Variants in ZNF536 observed in about 807,000 individuals in gnomAD.
ZNF536 encodes the protein zinc finger protein 536.
A neutral mutation model predicts 84.5 loss-of-function variants in ZNF536; 13 were observed. The observed-to-expected ratio is 0.15, with a 90% confidence interval of 0.10 to 0.24. ZNF536 has a LOEUF of 0.24. Ranked by LOEUF, ZNF536 falls within the 10% of genes least tolerant of loss-of-function variation. The probability of loss-of-function intolerance (pLI) is 1.00; values close to 1 mark genes in which losing one functional copy is unlikely to be tolerated. For synonymous variants in ZNF536, 811 were observed against 742.5 expected, an observed-to-expected ratio of 1.09 and a Z score of -1.50; for missense variants, 1,536 against 1,747.5, an observed-to-expected ratio of 0.88 and a Z score of 2.16.
At chr19:30,691,318 C>A (rs1288855893) in intron 1 of ZNF536, among the ~76,000 whole-genome samples, 1 of 152,080 alleles carries the variant, frequency 6.6e-6, no homozygotes, top group Non-Finnish European at 1.5e-5. Flanking sequence ...CAGAGATCTG[C>A]GGCCAGGGGA....
chr19:30,423,337 A>T (rs1266320117), intron 1 of ZNF536, among the ~76,000 whole-genome samples: 1 of 152,124 alleles, frequency 6.6e-6, no homozygotes, highest in Non-Finnish European at 1.5e-5. Context: ...TATTAAGAAT[A>T]TTCAGTATTA....
chr19:30,609,895 T>TATCC (rs202076068), intron 1 of ZNF536, among the ~76,000 whole-genome samples: 5,596 of 140,886 alleles, frequency 0.04, 110 homozygotes, highest in Middle Eastern at 0.069. Flanking sequence ...TCCACCCATT[T>TATCC]ATCCATCCAT....
chr19:30,445,639 A>G lies in ZNF536; in HGVS notation c.2077A>G (p.Asn693Asp), dbSNP rs369794213. 6.2e-7 allele frequency: 1 copy of G among 1,612,800 alleles called. No individual in the cohort carries two copies. Among genetic ancestry groups the G allele is most frequent in the Non-Finnish European group, 8.5e-7 (1 of 1,179,632 alleles). ...VSRSTTPGSS[N>D]VTEESGVGGG... ...CCGCTCCACCACGCCGGGCTCCTCTAACGTCACCGAGGAGAGCGGGGTCGG... is the reference window on the plus strand; with the variant it reads ...CCGCTCCACCACGCCGGGCTCCTCTGACGTCACCGAGGAGAGCGGGGTCGG... Residue 693 changes from asparagine to aspartate, a missense_variant, in exon 2 of 5, where the codon AAC (asparagine) becomes GAC (aspartate). Transcript: ENST00000355537. The surrounding 1 kb of genome is among the most constrained non-coding windows in gnomAD (Gnocchi z 4.5).
At chr19:30,305,836 C>T (rs373314005) in intron 2 of ZNF536, among the ~76,000 whole-genome samples, 29 of 152,316 alleles carry the variant, frequency 1.9e-4, no homozygotes, top group East Asian at 1.5e-3. Context: ...GAGGGGCCAG[C>T]GTGGGTGAGG....
Position 30,230,946 on chromosome 19 carries a change from T to C in ZNF536, c.-190+2273T>C, listed in dbSNP as rs1599811968. 2.0e-5 allele frequency among the ~76,000 whole-genome samples: 3 copies of C among 151,470 alleles called. No individual in the cohort carries two copies. In the South Asian group the frequency reaches 6.2e-4, roughly 32 times the overall value. On this transcript the variant is annotated intron_variant, in intron 1 of 5. Transcript: ENST00000585628. The stretch of plus-strand genomic sequence containing the variant: ...AATGGAGGGGGAAGAAAGACAGCAA[T>C]GATACTCATGAGAATATAGATGAAC...
At chr19:30,574,021 A>G (rs1020974846) in intron 1 of ZNF536, among the ~76,000 whole-genome samples, 2 of 152,126 alleles carry the variant, frequency 1.3e-5, no homozygotes, top group South Asian at 2.1e-4. Flanking sequence ...TTTCTGGATG[A>G]TTCTTTTTAG....
intron 2 of ZNF536, among the ~76,000 whole-genome samples, chr19:30,518,147 G>A (rs1474798833): frequency 6.6e-6 from 1 of 152,130 alleles, no homozygotes; most frequent in African/African-American, 2.4e-5. Context: ...TCCAGTCAAT[G>A]CTCCAAGCAC....
intron 1 of ZNF536, among the ~76,000 whole-genome samples, chr19:30,249,404 C>T (rs1459763649): frequency 2.0e-5 from 3 of 151,972 alleles, no homozygotes; most frequent in African/African-American, 4.8e-5. Context: ...GATATTTTAA[C>T]ACGCCCTTGT....
intron 2 of ZNF536, among the ~76,000 whole-genome samples, chr19:30,334,062 A>G (rs891501213): frequency 2.6e-5 from 4 of 152,178 alleles, no homozygotes; most frequent in Non-Finnish European, 5.9e-5. Flanking sequence ...CTGATTATTG[A>G]TTGACATGAT....
chr19:30,262,628 G>T (rs1837000602), intron 1 of ZNF536, among the ~76,000 whole-genome samples: 1 of 152,192 alleles, frequency 6.6e-6, no homozygotes, highest in Non-Finnish European at 1.5e-5. Context: ...TCTTGCTGGT[G>T]TTCGTGGAAT....
chr19:30,596,358 T>C (rs2047463113), intron 1 of ZNF536, among the ~76,000 whole-genome samples: 1 of 152,218 alleles, frequency 6.6e-6, no homozygotes, highest in East Asian at 1.9e-4. Context: ...CATTAAAAGA[T>C]GTATGTATCG....
chr19:30,693,047 A>AGT lies in ZNF536; in HGVS notation c.170-17709_170-17708insTG, dbSNP rs1457449470. Among the ~76,000 whole-genome samples, 334 of 151,190 alleles carry AGT rather than the reference A, an allele frequency of 2.2e-3. 1 individual carries two copies. The highest frequency in any genetic ancestry group is 7.6e-3 in the African/African-American group (313 of 40,956). ...GGGAGAGAGAGAGAGAGAGAGAGAG[A>AGT]GAGTGTGTGTATACGTGTGCAGCGT... On this transcript the variant is annotated intron_variant, in intron 1 of 1. Transcript: ENST00000592773.
At chr19:30,268,600 C>G (rs1030042386) in intron 1 of ZNF536, among the ~76,000 whole-genome samples, 10 of 152,160 alleles carry the variant, frequency 6.6e-5, no homozygotes. Context: ...ATAACGACTT[C>G]CTTCTCCTAC....
rs578112587 is a variant in ZNF536, at chr19:30,292,437, C to G, written c.-120+8296C>G. ...TTGACTTGACTTCCTGGGCCCAAGC[C>G]ATCCTCTTGTCTCAGCCTCCCAAGT... On this transcript the variant is annotated intron_variant, in intron 2 of 5. Transcript: ENST00000585628. 2.6e-5 allele frequency among the ~76,000 whole-genome samples: 4 copies of G among 152,050 alleles called. No homozygotes were observed. In the South Asian group the frequency reaches 8.3e-4, roughly 32 times the overall value.
In ZNF536 at chr19:30,674,912, G is replaced by A. The variant is rs961439873; in HGVS notation, c.170-35845G>A. Among the ~76,000 whole-genome samples, 11 of 152,216 alleles carry A rather than the reference G, an allele frequency of 7.2e-5. No homozygotes were observed. The East Asian group carries it at 2.1e-3, about 29-fold the overall frequency. On this transcript the variant is annotated intron_variant, in intron 1 of 1. Transcript: ENST00000592773. ...GAATGACACCCTGCTGCTTGAACAG[G>A]TCACGTGGGCATCGGGCTGGGCTCC...
At chr19:30,368,447 G>A (rs1375709313), upstream of ZNF536, among the ~76,000 whole-genome samples, 1 of 152,204 alleles carries the variant, frequency 6.6e-6, no homozygotes, top group African/African-American at 2.4e-5. Flanking sequence ...CTTTGCAACT[G>A]AAGTCACACG....
intron 1 of ZNF536, among the ~76,000 whole-genome samples, chr19:30,259,049 A>G (rs1213315912): frequency 6.6e-6 from 1 of 152,126 alleles, no homozygotes; most frequent in Non-Finnish European, 1.5e-5. Context: ...ATTGCATTCA[A>G]ATAAGTATAG....
intron 2 of ZNF536, among the ~76,000 whole-genome samples, chr19:30,322,506 T>C (rs1231890002): frequency 6.6e-6 from 1 of 152,178 alleles, no homozygotes; most frequent in African/African-American, 2.4e-5. Context: ...AGGCGCCTTC[T>C]TGGGAGGGCT....
At chr19:30,704,115 T>G (rs1600332883) in intron 1 of ZNF536, among the ~76,000 whole-genome samples, 4 of 152,184 alleles carry the variant, frequency 2.6e-5, no homozygotes, top group Admixed American at 1.3e-4. Context: ...CAAGTTCAAC[T>G]TGGGAGAGGC....
Sources: gnomAD v4.1 joint callset for allele counts (sites outside exome capture counted in the v4.1 genomes callset) on GRCh38, gnomAD v4.1.1 for gene constraint, Gnocchi (gnomAD v3.1) non-coding constraint, MANE v1.5 for transcripts, NCBI Gene and HGNC (gene_info 2026-07-23, HGNC 2026-07-21) for gene names.